ADAM8: variants seen among roughly 807,000 people sequenced by gnomAD.
ADAM8 encodes ADAM metallopeptidase domain 8.
Under a neutral mutation model 102.4 loss-of-function variants are expected in ADAM8, and 104 were observed. The ratio of observed to expected loss-of-function variants is 1.02; its 90% CI spans 0.87 to 1.20. ADAM8 has a LOEUF of 1.20. Among genes scored for constraint, ADAM8 ranks in the 50% most tolerant of loss-of-function variants. The pLI is 0.00. For synonymous variants in ADAM8, 517 were observed against 485.2 expected (o/e 1.07, Z -0.86); for missense variants, 1,132 against 1,159.0 (o/e 0.98, Z 0.34).
At position 133,270,889 on chromosome 10, in the gene ADAM8, C is replaced by T. The variant is rs1258790373; in HGVS notation, c.1556G>A (p.Trp519Ter). Residue 519 changes from tryptophan to a stop codon, truncating the protein, a stop_gained, in exon 14 of 23, where the codon TGG becomes TAG. Transcript: ENST00000445355. LOFTEE classifies it high-confidence loss of function. ...CTCTGTGCCCACTTCACCTGGCCCC[C>T]AGAAGGCCTGGCACTGCTGGGCCAG... ...PTLAQQCQAF[W>*]GPGGQAAEES... The T allele has an allele frequency of 2.5e-6, 4 of 1,610,650 alleles. No individual in the cohort carries two copies. Among genetic ancestry groups the T allele is most frequent in the Non-Finnish European group, 3.4e-6 (4 of 1,178,426 alleles).
chr10:133,264,168 C>T (rs1038254287), intron 21 of ADAM8, among the ~76,000 whole-genome samples: 1 of 151,188 alleles, frequency 6.6e-6, no homozygotes. Flanking sequence ...TTCAAGCGAT[C>T]CTCCCGCCTC....
At chr10:133,274,731 C>T (rs936116660) in intron 2 of ADAM8, 24 of 305,914 alleles carry the variant, frequency 7.8e-5, no homozygotes, top group Admixed American at 1.8e-4. Flanking sequence ...GGGGATAGCA[C>T]GCACAGGCCC....
Position 133,268,038 on chromosome 10 carries a change from C to A in ADAM8, c.2144G>T (p.Gly715Val). Reference sequence around the variant, plus strand: ...GGGGCCCCTGGATGGGGCTGGAGCCCCGCCCTTGGCCGGCACGCGGCTGGC... The same window carrying A: ...GGGGCCCCTGGATGGGGCTGGAGCCACGCCCTTGGCCGGCACGCGGCTGGC... ...QAASRVPAKG[G>V]APAPSRGPQE... The change falls in exon 20 of 23, where the codon GGG (glycine) becomes GTG (valine). Residue 715 changes from glycine to valine, a missense_variant. Gly to Val is a moderately radical substitution (Grantham distance 109, BLOSUM62 -3). Coordinates refer to ENST00000445355, the MANE Select transcript of ADAM8 (RefSeq NM_001109.5). 1.6e-6 allele frequency: 2 copies of A among 1,262,792 alleles called. No homozygotes were observed. The highest frequency in any genetic ancestry group is 3.1e-5 in the East Asian group (1 of 32,676). 78.2% of individuals were successfully genotyped at this position (1,262,792 alleles called of 1,614,324 possible). A position where few individuals can be genotyped will look rare whatever the true frequency, so the allele number is the denominator to read the frequency against.
At chr10:133,273,172 A>G (rs3008325) in intron 6 of ADAM8, 82 bp downstream of exon 6, 1,414,610 of 1,578,084 alleles carry the variant, frequency 0.9, 634,546 homozygotes, top group East Asian at 0.94. Context: ...AGCACCCAGC[A>G]CATGGGGAGC....
Position 133,273,994 on chromosome 10 carries a change from G to A in ADAM8, c.263C>T (p.Thr88Met), listed in dbSNP as rs367920040. Residue 88 changes from threonine to methionine, a missense_variant, in exon 4 of 23, where the codon ACG (threonine) becomes ATG (methionine). Transcript: ENST00000445355. ...LLGSGYTETY[T>M]AANGSEVTEQ... is the part of the protein sequence containing the mutation. ...CGTCACCTCGGAGCCATTGGCAGCC[G>A]TATAGGTCTCTGTGTAGCCGGAGCC... The A allele has an allele frequency of 5.5e-5, 88 of 1,607,702 alleles. No individual in the cohort carries two copies. Among genetic ancestry groups the A allele is most frequent in the Non-Finnish European group, 6.9e-5 (81 of 1,178,634 alleles).
chr10:133,263,620 C>CAGCCCCGTGGGGAGGCCGTGCCACTGTA, intron 22 of ADAM8, 68 bp downstream of exon 22: 2 of 1,459,060 alleles, frequency 1.4e-6, no homozygotes, highest in South Asian at 1.4e-5. Flanking sequence ...GTGCCACCGT[C>CAGCCCCGTGGGGAGGCCGTGCCACTGTA]AGCCCCGTGG....
Position 133,270,504 on chromosome 10 carries a change from G to A in ADAM8, c.1641C>T (p.Asp547=). 1.9e-6 allele frequency: 3 copies of A among 1,587,358 alleles called. No homozygotes were observed. The highest frequency in any genetic ancestry group is 2.6e-6 in the Non-Finnish European group (3 of 1,160,138). ...CCTTGCACTGCAGAACGCCACACAT[G>A]TCAGCCCTGTGGATGGACGGCAGGT... ...PGCKASRYRA[D]MCGVLQCKGG... The change falls in exon 16 of 23, where the codon GAC becomes GAT. Residue 547 remains aspartate (D), a synonymous_variant. Transcript: ENST00000445355.
intron 11 of ADAM8, 25 bp downstream of exon 11, chr10:133,271,781 G>A: frequency 1.2e-6 from 2 of 1,605,150 alleles, no homozygotes; most frequent in Non-Finnish European, 1.7e-6. Context: ...GCATACCCTG[G>A]CTCTGCAGGG....
At chr10:133,269,407 G>A in intron 18 of ADAM8, 38 bp downstream of exon 18, 1 of 1,474,714 alleles carries the variant, frequency 6.8e-7, no homozygotes, top group Non-Finnish European at 9.0e-7. Flanking sequence ...CTCTGAGCTT[G>A]GACCCCAGCC....
chr10:133,273,052 T>TC (rs1846606734), intron 6 of ADAM8, 33 bp from the exon 7 acceptor site: 17 of 1,612,596 alleles, frequency 1.1e-5, no homozygotes, highest in Non-Finnish European at 1.4e-5. Context: ...CAGTCAGCCT[T>TC]CCCAGCGCCG....
At chr10:133,267,608 G>C (rs1427423161) in intron 20 of ADAM8, among the ~76,000 whole-genome samples, 191 bp from the exon 21 acceptor site, 1 of 152,252 alleles carries the variant, frequency 6.6e-6, no homozygotes, top group Non-Finnish European at 1.5e-5. Flanking sequence ...CGAGCTGGGG[G>C]CCGGAGAGCA....
intron 21 of ADAM8, among the ~76,000 whole-genome samples, chr10:133,264,501 T>G (rs2136070220): frequency 6.6e-6 from 1 of 152,348 alleles, no homozygotes; most frequent in East Asian, 1.9e-4. Context: ...GCTGTGGAGC[T>G]CACTCCTGGC....
Position 133,267,992 on chromosome 10 carries a change from G to A in ADAM8, c.2190C>T (p.Thr730=). The change falls in exon 20 of 23, where the codon ACC becomes ACT. Residue 730 remains threonine (T), a synonymous_variant. Coordinates refer to ENST00000445355, the MANE Select transcript of ADAM8 (RefSeq NM_001109.5). ...SRGPQELVPT[T]HPGQPARHPA... is the part of the protein sequence containing the mutation. The stretch of plus-strand genomic sequence containing the variant: ...GGTGTCGGGCGGGCTGGCCCGGGTG[G>A]GTGGTGGGGACCAGCTCTTGGGGGC... 7.9e-7 allele frequency: 1 copy of A among 1,260,908 alleles called. No individual in the cohort carries two copies. Among genetic ancestry groups the A allele is most frequent in the Non-Finnish European group, 1.0e-6 (1 of 996,240 alleles). 78.1% of individuals were successfully genotyped at this position (1,260,908 alleles called of 1,614,324 possible).
In ADAM8 at chr10:133,272,983, G is replaced by T. The variant is rs1236972735; in HGVS notation, c.610C>A (p.Leu204Met). Residue 204 changes from leucine to methionine, a missense_variant, in exon 7 of 23, where the codon CTG (leucine) becomes ATG (methionine). Coordinates refer to ENST00000445355, the MANE Select transcript of ADAM8 (RefSeq NM_001109.5). ...TCTGCATTGTCCACGACCACATACA[G>T]CTCCACGTAGCGGGTCTCTCGGGAT... ...LPSRETRYVE[L>M]YVVVDNAEFQ... 1 of 1,612,884 alleles carries T rather than the reference G, an allele frequency of 6.2e-7. No homozygotes were observed. Among genetic ancestry groups the T allele is most frequent in the South Asian group, 1.1e-5 (1 of 91,086 alleles).
intron 21 of ADAM8, 119 bp from the exon 22 acceptor site, chr10:133,263,884 G>T: frequency 4.5e-6 from 4 of 887,538 alleles, no homozygotes; most frequent in Non-Finnish European, 6.4e-6. Flanking sequence ...GCCCCCCAGG[G>T]AGCCTGCAGG....
At chr10:133,274,737 G>A (rs1846684012) in intron 2 of ADAM8, 1 of 316,898 alleles carries the variant, frequency 3.2e-6, no homozygotes, top group African/African-American at 2.3e-5. Context: ...AGCACGCACA[G>A]GCCCCTCCAG....
At chr10:133,270,836 A>G in intron 14 of ADAM8, 31 bp from the exon 15 acceptor site, 5 of 1,610,936 alleles carry the variant, frequency 3.1e-6, no homozygotes, top group Non-Finnish European at 4.2e-6. Flanking sequence ...TAGCCCTGGC[A>G]AGGCCTGCAG....
Position 133,268,102 on chromosome 10 carries a change from T to C in ADAM8, c.2080A>G (p.Thr694Ala). 3 of 1,272,728 alleles carry C rather than the reference T, an allele frequency of 2.4e-6. No individual in the cohort carries two copies. The highest frequency in any genetic ancestry group is 2.0e-6 in the Non-Finnish European group (2 of 1,002,100). The allele number at this position is 1,272,728 out of a possible 1,614,324, so 78.8% of individuals were successfully genotyped here. The stretch of plus-strand genomic sequence containing the variant: ...AGGGGGTTGGAGCGCCCCATTGTGG[T>C]CTTGGGAGCCACGTTCCTGGGGAGG... ...RILSRNVAPK[T>A]TMGRSNPLFH... is the part of the protein sequence containing the mutation. The change falls in exon 20 of 23, where the codon ACC (threonine) becomes GCC (alanine). Residue 694 changes from threonine to alanine, a missense_variant. Coordinates refer to ENST00000445355, the MANE Select transcript of ADAM8 (RefSeq NM_001109.5).
intron 21 of ADAM8, among the ~76,000 whole-genome samples, chr10:133,266,912 G>A (rs1440013934): frequency 1.3e-5 from 2 of 152,298 alleles, no homozygotes; most frequent in East Asian, 3.9e-4. Context: ...CCCTCAGCAT[G>A]CCAGGGCTCC....
Sources: gnomAD v4.1 joint callset for allele counts (sites outside exome capture counted in the v4.1 genomes callset) on GRCh38, gnomAD v4.1.1 for gene constraint, MANE v1.5 for transcripts, NCBI Gene and HGNC (gene_info 2026-07-23, HGNC 2026-07-21) for gene names.